GALNTL6: variants seen among roughly 807,000 people sequenced by gnomAD.
GALNTL6 encodes the protein polypeptide N-acetylgalactosaminyltransferase like 6.
In GALNTL6, 46 loss-of-function variants were observed where a neutral mutation model predicts 73.7. That is an observed-to-expected ratio of 0.62 (90% CI 0.49 to 0.80). The LOEUF (loss-of-function observed/expected upper bound fraction) is 0.80. Ranked by LOEUF, GALNTL6 falls within the 30% of genes least tolerant of loss-of-function variation. GALNTL6 has a pLI of 0.00. For synonymous variants in GALNTL6, 259 were observed against 263.7 expected (o/e 0.98, Z 0.17); for missense variants, 604 against 755.0 (o/e 0.80, Z 2.34).
At chr4:171,992,785 T>A (rs1387343255) in intron 2 of GALNTL6, among the ~76,000 whole-genome samples, 1 of 152,058 alleles carries the variant, frequency 6.6e-6, no homozygotes, top group Admixed American at 6.6e-5. Context: ...TAAGTTGAAA[T>A]TAATTGACCT....
intron 2 of GALNTL6, among the ~76,000 whole-genome samples, chr4:172,219,563 A>G (rs1333824784): frequency 6.6e-6 from 1 of 151,900 alleles, no homozygotes; most frequent in African/African-American, 2.4e-5. Context: ...AGTAGATACC[A>G]GGAAAACACA....
At chr4:171,906,391 T>C (rs1737279195) in intron 2 of GALNTL6, among the ~76,000 whole-genome samples, 1 of 151,756 alleles carries the variant, frequency 6.6e-6, no homozygotes, top group South Asian at 2.1e-4. Flanking sequence ...CTAGAAAATC[T>C]AGAAGAAATG....
At chr4:172,198,831 A>G (rs1250780684) in intron 2 of GALNTL6, among the ~76,000 whole-genome samples, 2 of 152,198 alleles carry the variant, frequency 1.3e-5, no homozygotes, top group Non-Finnish European at 2.9e-5. Context: ...AACGTAGTGC[A>G]TGTACTAGCC....
chr4:172,873,968 C>T (rs576041503), intron 7 of GALNTL6, among the ~76,000 whole-genome samples: 9 of 152,200 alleles, frequency 5.9e-5, no homozygotes, highest in Non-Finnish European at 1.2e-4. Flanking sequence ...ATTTTGCCTT[C>T]CTTACTAAGA....
intron 10 of GALNTL6, 152 bp from the exon 11 acceptor site, chr4:173,009,026 T>C (rs1485831231): frequency 1.6e-6 from 1 of 625,794 alleles, no homozygotes; most frequent in Non-Finnish European, 2.9e-6. Context: ...TTGATTTTTC[T>C]CCATAAATTG....
intron 7 of GALNTL6, among the ~76,000 whole-genome samples, chr4:172,871,065 A>T (rs894541985): frequency 2.0e-4 from 31 of 152,006 alleles, no homozygotes; most frequent in African/African-American, 4.6e-4. Flanking sequence ...CCAGAAAAAA[A>T]TTTTTTTAAG....
chr4:172,188,193 C>T (rs567304999), intron 2 of GALNTL6, among the ~76,000 whole-genome samples: 8 of 152,272 alleles, frequency 5.3e-5, no homozygotes, highest in East Asian at 3.9e-4. Context: ...TTGACCATAA[C>T]GCATACAAAT....
intron 2 of GALNTL6, among the ~76,000 whole-genome samples, chr4:172,135,273 A>G (rs1733606607): frequency 6.6e-6 from 1 of 152,170 alleles, no homozygotes; most frequent in South Asian, 2.1e-4. Flanking sequence ...TGAAAATTAA[A>G]TAAATTAATT....
intron 5 of GALNTL6, among the ~76,000 whole-genome samples, chr4:172,588,855 A>G (rs766734346): frequency 6.6e-6 from 1 of 152,142 alleles, no homozygotes; most frequent in Non-Finnish European, 1.5e-5. Context: ...CCACTGGATC[A>G]CTCTAGAAAT....
At chr4:172,613,636 T>C (rs946331337) in intron 5 of GALNTL6, among the ~76,000 whole-genome samples, 2 of 152,146 alleles carry the variant, frequency 1.3e-5, no homozygotes, top group African/African-American at 4.8e-5. Flanking sequence ...AAAATGTGTT[T>C]TTTGGAATTT....
chr4:172,601,758 G>C (rs1364952472), intron 5 of GALNTL6, among the ~76,000 whole-genome samples: 1 of 151,124 alleles, frequency 6.6e-6, no homozygotes, highest in Non-Finnish European at 1.5e-5. Flanking sequence ...ACAGCAAGCA[G>C]TCTAATACGC....
At position 172,586,731 on chromosome 4, in the gene GALNTL6, GC is replaced by G. The variant is rs756765918; in HGVS notation, c.554-222629del. Among the ~76,000 whole-genome samples the G allele has an allele frequency of 3.9e-5, 6 of 152,292 alleles. No homozygotes were observed. In the South Asian group the frequency reaches 1.0e-3, roughly 26 times the overall value. On this transcript the variant is annotated intron_variant, in intron 5 of 12. Transcript: ENST00000506823. ...AAGTTTTAATGATTGTTTTGAAAGAGCATTTATAGTATTTGCTGTTCTGCAG... is the reference window on the plus strand; with the variant it reads ...AAGTTTTAATGATTGTTTTGAAAGAGATTTATAGTATTTGCTGTTCTGCAG...
At chr4:172,570,247 A>G (rs560685078) in intron 5 of GALNTL6, among the ~76,000 whole-genome samples, 7 of 152,120 alleles carry the variant, frequency 4.6e-5, no homozygotes, top group Non-Finnish European at 1.0e-4. Context: ...GAGAGTCCTG[A>G]GTATGTGCAT....
At chr4:172,684,046 A>T (rs1732781013) in intron 5 of GALNTL6, among the ~76,000 whole-genome samples, 1 of 152,198 alleles carries the variant, frequency 6.6e-6, no homozygotes, top group Non-Finnish European at 1.5e-5. Flanking sequence ...TCTATAAAGG[A>T]TAGATCGCTG....
At chr4:171,834,059 AC>A (rs1401459910) in intron 2 of GALNTL6, among the ~76,000 whole-genome samples, 1 of 151,926 alleles carries the variant, frequency 6.6e-6, no homozygotes, top group Non-Finnish European at 1.5e-5. Context: ...TATTAAAAAA[AC>A]ATTTTTTAAA....
chr4:173,037,859 C>T (rs1252406656), intron 12 of GALNTL6, among the ~76,000 whole-genome samples: 4 of 152,058 alleles, frequency 2.6e-5, no homozygotes, highest in African/African-American at 9.7e-5. Context: ...TCTCCTGCCT[C>T]CGCCTCCCAC....
intron 10 of GALNTL6, among the ~76,000 whole-genome samples, chr4:172,976,472 C>G (rs776079246): frequency 6.6e-6 from 1 of 152,150 alleles, no homozygotes; most frequent in Non-Finnish European, 1.5e-5. Flanking sequence ...CAGCTGCATG[C>G]CCAGAAGTAC....
intron 3 of GALNTL6, among the ~76,000 whole-genome samples, chr4:172,264,057 T>TA (rs1554008433): frequency 1.3e-5 from 2 of 151,344 alleles, no homozygotes; most frequent in Admixed American, 1.3e-4. Context: ...TTTTGGCAGC[T>TA]GGGGGGGTGT....
intron 5 of GALNTL6, among the ~76,000 whole-genome samples, chr4:172,767,691 A>G (rs1457385015): frequency 8.0e-6 from 1 of 125,062 alleles, no homozygotes; most frequent in Non-Finnish European, 1.6e-5. Context: ...TTTTTGAGAC[A>G]GTCTCATTCT....
Sources: allele counts gnomAD v4.1 joint callset (sites outside exome capture counted in the v4.1 genomes callset), GRCh38; gene constraint gnomAD v4.1.1; transcripts MANE v1.5; gene names NCBI Gene and HGNC (gene_info 2026-07-23, HGNC 2026-07-21).